Variants in RUFY1 observed in about 807,000 individuals in gnomAD.
The protein encoded by RUFY1 is RUN and FYVE domain-containing protein 1.
RUFY1 carries 54 observed loss-of-function variants against 94.6 expected under a neutral mutation model. The ratio of observed to expected loss-of-function variants is 0.57; its 90% CI spans 0.46 to 0.72. The LOEUF is 0.72. RUFY1 is among the 30% of genes least tolerant of loss of function. The pLI is 0.00. For synonymous variants in RUFY1, 396 were observed against 347.3 expected (o/e 1.14, Z -1.56); for missense variants, 883 against 883.9 (o/e 1.00, Z 0.01).
chr5:179,605,907 G>T lies in RUFY1; in HGVS notation c.1888G>T (p.Val630Leu), dbSNP rs1185531378. The T allele has an allele frequency of 5.0e-6, 8 of 1,609,306 alleles. No homozygotes were observed. Among genetic ancestry groups the T allele is most frequent in the African/African-American group, 1.3e-5 (1 of 74,606 alleles). Reference sequence around the variant, plus strand: ...GCTGAAGATGGAAGATATAAAAGAAGTGAACCAGGCACTGAAGGTACTGCC... The same window carrying T: ...GCTGAAGATGGAAGATATAAAAGAATTGAACCAGGCACTGAAGGTACTGCC... ...SKLKMEDIKE[V>L]NQALKGHAWL... Residue 630 changes from valine (V) to leucine (L), a missense_variant, in exon 16 of 18, where the codon GTG becomes TTG. Transcript: ENST00000319449.
intron 8 of RUFY1, 61 bp downstream of exon 8, chr5:179,585,926 G>C (rs1462309216): frequency 2.2e-6 from 3 of 1,347,454 alleles, no homozygotes; most frequent in East Asian, 2.3e-5. Flanking sequence ...AAGAGAATCT[G>C]TGTAGTCGGT....
At chr5:179,590,057 T>C (rs1434816568) in intron 9 of RUFY1, among the ~76,000 whole-genome samples, 1 of 152,094 alleles carries the variant, frequency 6.6e-6, no homozygotes, top group Non-Finnish European at 1.5e-5. Flanking sequence ...GACTTGAGGA[T>C]AGAAACCATA....
chr5:179,580,294 G>A (rs1405707143), intron 6 of RUFY1, among the ~76,000 whole-genome samples: 4 of 147,352 alleles, frequency 2.7e-5, no homozygotes, highest in Admixed American at 2.1e-4. Flanking sequence ...CCAGGCTGGA[G>A]TGCAGTGGCG....
chr5:179,598,585 A>C (rs1437749765), intron 13 of RUFY1, 107 bp from the exon 14 acceptor site: 16 of 1,329,448 alleles, frequency 1.2e-5, no homozygotes, highest in Non-Finnish European at 1.6e-5. Context: ...TTAGATGCTC[A>C]AGAGGCAATT....
At chr5:179,605,679 C>A (rs1217734453) in intron 15 of RUFY1, among the ~76,000 whole-genome samples, 197 bp from the exon 16 acceptor site, 1 of 152,018 alleles carries the variant, frequency 6.6e-6, no homozygotes, top group Non-Finnish European at 1.5e-5. Flanking sequence ...TCAGCCTCAG[C>A]CCTCAGCAGA....
intron 2 of RUFY1, among the ~76,000 whole-genome samples, chr5:179,560,442 G>A (rs1762353077): frequency 6.6e-6 from 1 of 152,288 alleles, no homozygotes; most frequent in Middle Eastern, 3.4e-3. Flanking sequence ...AGATGAGGCT[G>A]GGCGCGGTGG....
At chr5:179,597,563 G>C (rs1239357042) in intron 13 of RUFY1, among the ~76,000 whole-genome samples, 1 of 152,064 alleles carries the variant, frequency 6.6e-6, no homozygotes, top group African/African-American at 2.4e-5. Context: ...TTAGAGACAG[G>C]GTTTTGCCAT....
At chr5:179,599,821 C>T (rs1766151962) in intron 14 of RUFY1, among the ~76,000 whole-genome samples, 2 of 152,252 alleles carry the variant, frequency 1.3e-5, no homozygotes, top group Admixed American at 1.3e-4. Flanking sequence ...CCCCTCGGCA[C>T]CTGCCCCGGA....
At position 179,607,645 on chromosome 5, in the gene RUFY1, A is replaced by G. The variant is rs1214408379; in HGVS notation, c.1969A>G (p.Ile657Val). The change falls in exon 17 of 18, where the codon ATT (isoleucine) becomes GTT (valine). Residue 657 changes from isoleucine to valine, a missense_variant. Transcript: ENST00000319449. The stretch of plus-strand genomic sequence containing the variant: ...TAGGCAGTGTGAGAAGGAGTTCTCC[A>G]TTTCCCGGAGAAAGGTACGTGGGGG... ...HCRQCEKEFS[I>V]SRRKHHCRNC... 1.2e-6 allele frequency: 2 copies of G among 1,614,032 alleles called. No homozygotes were observed. Among genetic ancestry groups the G allele is most frequent in the Non-Finnish European group, 1.7e-6 (2 of 1,179,896 alleles).
At chr5:179,564,494 A>G (rs1762682931) in intron 3 of RUFY1, among the ~76,000 whole-genome samples, 1 of 144,488 alleles carries the variant, frequency 6.9e-6, no homozygotes, top group Admixed American at 7.2e-5. Context: ...GCAGTCTCTC[A>G]GCTCACTGTA....
At chr5:179,575,237 A>G (rs771830124) in intron 5 of RUFY1, among the ~76,000 whole-genome samples, 1 of 152,052 alleles carries the variant, frequency 6.6e-6, no homozygotes, top group Non-Finnish European at 1.5e-5. Context: ...TGTATCTTTC[A>G]CAGCTGGGGG....
chr5:179,561,713 C>G (rs1325786132), intron 2 of RUFY1, among the ~76,000 whole-genome samples: 1 of 80,374 alleles, frequency 1.2e-5, no homozygotes, highest in Non-Finnish European at 2.2e-5. Context: ...TGAAGAGTCT[C>G]GCTCTGTCCC....
At chr5:179,581,882 G>A (rs951929633) in intron 7 of RUFY1, among the ~76,000 whole-genome samples, 2 of 151,448 alleles carry the variant, frequency 1.3e-5, no homozygotes, top group Admixed American at 6.6e-5. Flanking sequence ...ACAGTGCTCC[G>A]CCATGTTGCC....
chr5:179,602,046 C>T (rs1581561812), intron 15 of RUFY1, 60 bp downstream of exon 15: 1 of 1,380,738 alleles, frequency 7.2e-7, no homozygotes, highest in Non-Finnish European at 1.0e-6. Flanking sequence ...CACCACATCC[C>T]TCAGGCCCCA....
At chr5:179,607,270 T>G (rs1449159627) in intron 16 of RUFY1, 1 of 395,902 alleles carries the variant, frequency 2.5e-6, no homozygotes, top group African/African-American at 2.0e-5. Flanking sequence ...CTCTGCTTAC[T>G]TCAGCCAAAG....
At chr5:179,583,173 G>A (rs532945105) in intron 7 of RUFY1, among the ~76,000 whole-genome samples, 149 of 151,632 alleles carry the variant, frequency 9.8e-4, no homozygotes, top group African/African-American at 3.5e-3. Context: ...ATGGTGGCGG[G>A]CATCTGTAGT....
chr5:179,605,829 CCTCA>C, intron 15 of RUFY1, 43 bp from the exon 16 acceptor site: 10 of 1,007,946 alleles, frequency 9.9e-6, no homozygotes, highest in Non-Finnish European at 1.4e-5. Context: ...GGATTCAGAG[CCTCA>C]CTCTCTCTCA....
chr5:179,598,608 T>A, intron 13 of RUFY1, 84 bp from the exon 14 acceptor site: 1 of 1,524,120 alleles, frequency 6.6e-7, no homozygotes, highest in South Asian at 1.2e-5. Context: ...GAGACTTCCC[T>A]GTTTCCTGGG....
At chr5:179,582,121 G>A (rs1290354039) in intron 7 of RUFY1, among the ~76,000 whole-genome samples, 1 of 152,030 alleles carries the variant, frequency 6.6e-6, no homozygotes, top group Non-Finnish European at 1.5e-5. Context: ...ATGTAATCAT[G>A]GTTTTCATCC....
Sources: allele counts gnomAD v4.1 joint callset (sites outside exome capture counted in the v4.1 genomes callset), GRCh38; gene constraint gnomAD v4.1.1; transcripts MANE v1.5; gene names NCBI Gene and HGNC (gene_info 2026-07-23, HGNC 2026-07-21).